The following SIK2 variants were observed in gnomAD, a reference collection of about 807,000 sequenced individuals.
SIK2 encodes the protein serine/threonine-protein kinase SIK2.
SIK2 carries 29 observed loss-of-function variants against 103.2 expected under a neutral mutation model. The observed-to-expected ratio is 0.28, with a 90% CI of 0.21 to 0.38. The LOEUF is 0.38. SIK2 is among the 10% of genes least tolerant of loss of function. The pLI is 1.00. For missense variants in SIK2, 879 were observed against 1,171.0 expected (o/e 0.75, Z 3.64); for synonymous variants, 412 against 446.1 (o/e 0.92, Z 0.96).
chr11:111,681,682 T>C (rs1413921775), intron 3 of SIK2, among the ~76,000 whole-genome samples: 3 of 152,210 alleles, frequency 2.0e-5, no homozygotes, highest in Non-Finnish European at 4.4e-5. Flanking sequence ...TCTTCCAACC[T>C]ATTGAAGTTT....
intron 3 of SIK2, among the ~76,000 whole-genome samples, chr11:111,683,804 C>A (rs999610430): frequency 2.6e-5 from 4 of 152,208 alleles, no homozygotes; most frequent in Non-Finnish European, 5.9e-5. Context: ...ATGTTAACTT[C>A]AAGACCATGT....
At chr11:111,621,053 TA>T (rs1331911501) in intron 3 of SIK2, among the ~76,000 whole-genome samples, 1 of 152,246 alleles carries the variant, frequency 6.6e-6, no homozygotes, top group Non-Finnish European at 1.5e-5. Flanking sequence ...TTTTTGTTCT[TA>T]AAGTCCAAAA....
At chr11:111,681,614 G>C (rs1272661742) in intron 3 of SIK2, among the ~76,000 whole-genome samples, 1 of 152,184 alleles carries the variant, frequency 6.6e-6, no homozygotes, top group South Asian at 2.1e-4. Flanking sequence ...GAAGTGGCTA[G>C]CATGCCAACT....
At chr11:111,612,487 C>A (rs969196284) in intron 1 of SIK2, among the ~76,000 whole-genome samples, 5 of 152,156 alleles carry the variant, frequency 3.3e-5, no homozygotes, top group African/African-American at 1.2e-4. Context: ...TCTGGGCCTA[C>A]AGCTGGACTG....
intron 12 of SIK2, among the ~76,000 whole-genome samples, chr11:111,721,479 T>C (rs554859092): frequency 6.6e-6 from 1 of 152,334 alleles, no homozygotes; most frequent in Non-Finnish European, 1.5e-5. Flanking sequence ...GGATTATTCA[T>C]ACTAAAAATA....
At chr11:111,654,985 A>G (rs1942372337) in intron 3 of SIK2, among the ~76,000 whole-genome samples, 1 of 152,258 alleles carries the variant, frequency 6.6e-6, no homozygotes, top group Non-Finnish European at 1.5e-5. Context: ...ATACATTACA[A>G]TCATTCTCTT....
intron 1 of SIK2, among the ~76,000 whole-genome samples, chr11:111,612,574 C>T (rs1343493443): frequency 6.6e-6 from 1 of 152,104 alleles, no homozygotes; most frequent in Non-Finnish European, 1.5e-5. Flanking sequence ...GTAATAGGCA[C>T]CACTTCCAGC....
chr11:111,672,125 C>T (rs774907073), intron 3 of SIK2: 50 of 454,682 alleles, frequency 1.1e-4, no homozygotes, highest in Non-Finnish European at 1.6e-4. Flanking sequence ...TGGTTACACA[C>T]GGCCTGGATG....
At chr11:111,622,441 A>C (rs904705858) in intron 3 of SIK2, among the ~76,000 whole-genome samples, 2 of 151,312 alleles carry the variant, frequency 1.3e-5, no homozygotes, top group African/African-American at 4.9e-5. Context: ...ATTTTAGTAG[A>C]GACGGGGTTT....
At chr11:111,635,421 GA>G (rs1942095156) in intron 3 of SIK2, among the ~76,000 whole-genome samples, 2 of 136,324 alleles carry the variant, frequency 1.5e-5, no homozygotes, top group African/African-American at 2.9e-5. Flanking sequence ...AGGAGGGAGG[GA>G]GGGGGGAGGA....
chr11:111,662,971 A>C (rs969743452), intron 3 of SIK2, among the ~76,000 whole-genome samples: 1 of 149,902 alleles, frequency 6.7e-6, no homozygotes, highest in African/African-American at 2.5e-5. Context: ...AGTGGCTCAT[A>C]CCTGTAATCT....
At chr11:111,673,222 G>T (rs986680417) in intron 3 of SIK2, among the ~76,000 whole-genome samples, 2 of 152,226 alleles carry the variant, frequency 1.3e-5, no homozygotes, top group Non-Finnish European at 2.9e-5. Context: ...TTATCACTAA[G>T]TTCTTAGAAC....
At chr11:111,654,099 T>G (rs1252444651) in intron 3 of SIK2, among the ~76,000 whole-genome samples, 1 of 152,216 alleles carries the variant, frequency 6.6e-6, no homozygotes, top group Non-Finnish European at 1.5e-5. Flanking sequence ...TGTTAGTAAA[T>G]ATTTTTCTGC....
intron 3 of SIK2, among the ~76,000 whole-genome samples, chr11:111,668,893 A>G (rs1379492110): frequency 6.6e-6 from 1 of 152,138 alleles, no homozygotes; most frequent in Non-Finnish European, 1.5e-5. Context: ...AGTTGAAAGG[A>G]TTTGTTGATG....
At chr11:111,692,557 G>C (rs1311145040) in intron 4 of SIK2, among the ~76,000 whole-genome samples, 1 of 151,916 alleles carries the variant, frequency 6.6e-6, no homozygotes, top group Non-Finnish European at 1.5e-5. Context: ...AGGAGAGGCG[G>C]GCATGGGCCA....
chr11:111,612,170 G>C (rs1941736349), intron 1 of SIK2, among the ~76,000 whole-genome samples: 1 of 152,070 alleles, frequency 6.6e-6, no homozygotes, highest in Admixed American at 6.5e-5. Context: ...GAAGGCCTAG[G>C]GTTTTTCTTC....
intron 3 of SIK2, among the ~76,000 whole-genome samples, chr11:111,641,206 A>G (rs1474930003): frequency 6.6e-6 from 1 of 152,124 alleles, no homozygotes; most frequent in African/African-American, 2.4e-5. Context: ...AAGGAGTTCT[A>G]TGCATTCCCT....
intron 3 of SIK2, among the ~76,000 whole-genome samples, chr11:111,652,012 A>G (rs1039283760): frequency 6.6e-6 from 1 of 152,246 alleles, no homozygotes; most frequent in Non-Finnish European, 1.5e-5. Flanking sequence ...TTTATCTCAC[A>G]TAACTTTATA....
intron 1 of SIK2, among the ~76,000 whole-genome samples, chr11:111,605,893 A>G (rs1221758609): frequency 6.6e-6 from 1 of 151,528 alleles, no homozygotes; most frequent in Non-Finnish European, 1.5e-5. Flanking sequence ...CTCGATGTGA[A>G]TTTTGCATCC....
Sources: gnomAD v4.1 joint callset for allele counts (sites outside exome capture counted in the v4.1 genomes callset) on GRCh38, gnomAD v4.1.1 for gene constraint, MANE v1.5 for transcripts, NCBI Gene and HGNC (gene_info 2026-07-23, HGNC 2026-07-21) for gene names.